The following CACNB2 variants were observed in gnomAD, a reference collection of about 807,000 sequenced individuals.
The protein encoded by CACNB2 is calcium voltage-gated channel auxiliary subunit beta 2, also known as voltage-dependent L-type calcium channel subunit beta-2.
CACNB2 carries 42 observed loss-of-function variants against 73.3 expected under a neutral mutation model. That is an observed-to-expected ratio of 0.57 (90% CI 0.45 to 0.74). CACNB2 has a LOEUF of 0.74. Ranked by LOEUF, CACNB2 falls within the 30% of genes least tolerant of loss-of-function variation. CACNB2 has a pLI of 0.00. For synonymous variants in CACNB2, 348 were observed against 310.3 expected, an observed-to-expected ratio of 1.12 and a Z score of -1.28; for missense variants, 940 against 853.0, an observed-to-expected ratio of 1.10 and a Z score of -1.27.
At chr10:18,392,346 A>G (rs1269884331) in intron 2 of CACNB2, among the ~76,000 whole-genome samples, 1 of 152,180 alleles carries the variant, frequency 6.6e-6, no homozygotes, top group Non-Finnish European at 1.5e-5. Flanking sequence ...GGGGATGATC[A>G]GTGATGTTAA....
rs945280664 is a variant in CACNB2, at chr10:18,527,684, A to C, written c.1041A>C (p.Thr347=). 1.9e-6 allele frequency: 3 copies of C among 1,610,212 alleles called. No homozygotes were observed. Among genetic ancestry groups the C allele is most frequent in the Admixed American group, 1.7e-5 (1 of 59,984 alleles). ...ACGCAATAATAGAAAGATCCAACAC[A>C]AGGTCAAGCTTAGGTAAGTCTGTGC... The part of the protein sequence containing the change: ...SKHAIIERSN[T]RSSLAEVQSE... The change falls in exon 10 of 14, where the codon ACA becomes ACC. Residue 347 remains threonine, a synonymous_variant. Coordinates refer to ENST00000324631, the MANE Select transcript of CACNB2 (RefSeq NM_201596.3).
chr10:18,284,226 A>G (rs2038688049), intron 2 of CACNB2, among the ~76,000 whole-genome samples: 1 of 152,214 alleles, frequency 6.6e-6, no homozygotes, highest in Non-Finnish European at 1.5e-5. Context: ...TAACTTGTGC[A>G]GGGAAACTCC....
intron 2 of CACNB2, among the ~76,000 whole-genome samples, chr10:18,272,289 G>T (rs2038086975): frequency 6.6e-6 from 1 of 152,166 alleles, no homozygotes. Context: ...AGTTAAGGGA[G>T]ACAGGGCAAG....
At chr10:18,335,824 C>T (rs1171855681) in intron 2 of CACNB2, among the ~76,000 whole-genome samples, 1 of 145,972 alleles carries the variant, frequency 6.9e-6, no homozygotes, top group Non-Finnish European at 1.5e-5. Flanking sequence ...CACACACACA[C>T]ATACACACAC....
At position 18,214,689 on chromosome 10, in the gene CACNB2, G is replaced by A. The variant is rs889125481; in HGVS notation, c.213+63714G>A. On this transcript the variant is annotated intron_variant, in intron 2 of 13. Transcript: ENST00000324631. ...TGTATGGCGTGGCAACAGCTGGTCG[G>A]GGAGGTTGCCTACCATTGCCCTGTT... 2.2e-4 allele frequency among the ~76,000 whole-genome samples: 34 copies of A among 152,000 alleles called. 1 individual carries two copies. Among genetic ancestry groups the A allele is most frequent in the African/African-American group, 7.7e-4 (32 of 41,342 alleles).
chr10:18,492,195 A>G (rs1204400813), intron 3 of CACNB2, among the ~76,000 whole-genome samples: 1 of 152,190 alleles, frequency 6.6e-6, no homozygotes, highest in African/African-American at 2.4e-5. Flanking sequence ...CAAAGGGGAA[A>G]ATCTACCCCT....
At chr10:18,417,114 CT>C (rs57071336) in intron 3 of CACNB2, among the ~76,000 whole-genome samples, 42,788 of 147,264 alleles carry the variant, frequency 0.29, 6,557 homozygotes, top group Middle Eastern at 0.42. Flanking sequence ...GAAATAAAAG[CT>C]TTTTTTTTTC....
rs531380245 is a variant in CACNB2 at position 18,450,330 on chromosome 10, A to G, written c.334-48025A>G. Among the ~76,000 whole-genome samples, 8 of 152,250 alleles carry G rather than the reference A, an allele frequency of 5.3e-5. No homozygotes were observed. In the South Asian group the frequency reaches 1.7e-3, roughly 32 times the overall value. ...GCTAAAAGCATCCTTTAGCAAAAGT[A>G]GTTTCCTCTTTTCCTTGCTAAATAT... is the stretch of plus-strand genomic sequence containing the variant. On this transcript the variant is annotated intron_variant, in intron 3 of 13. Coordinates refer to ENST00000324631, the MANE Select transcript of CACNB2 (RefSeq NM_201596.3).
intron 4 of CACNB2, among the ~76,000 whole-genome samples, chr10:18,499,126 C>T (rs902544049): frequency 3.3e-4 from 51 of 152,290 alleles, no homozygotes; most frequent in Admixed American, 3.3e-3. Context: ...CCTTGTGGAG[C>T]ACTGTGTAAA....
intron 3 of CACNB2, among the ~76,000 whole-genome samples, chr10:18,459,268 C>T (rs1004326372): frequency 6.6e-6 from 1 of 152,144 alleles, no homozygotes; most frequent in Admixed American, 6.5e-5. Context: ...AACATTAGAC[C>T]AATTGTCATT....
chr10:18,519,164 T>C (rs1187906946), intron 9 of CACNB2, among the ~76,000 whole-genome samples, 196 bp downstream of exon 9: 4 of 152,204 alleles, frequency 2.6e-5, no homozygotes, highest in African/African-American at 9.6e-5. Context: ...CCCTGATGTC[T>C]AGTTCCTGTA....
chr10:18,365,918 G>A lies in CACNB2; in HGVS notation c.214-36006G>A, dbSNP rs546731180. Among the ~76,000 whole-genome samples the A allele has an allele frequency of 1.5e-3, 222 of 152,278 alleles. 2 individuals are homozygous for A. The highest frequency in any genetic ancestry group is 5.0e-3 in the African/African-American group (209 of 41,574). On this transcript the variant is annotated intron_variant, in intron 2 of 13. Transcript: ENST00000324631. ...GAGGATGTAAGAATCTGTCAATTTG[G>A]CCTGTGGAGGGTAGGAATTCCAGGA...
At chr10:18,515,173 C>T in intron 7 of CACNB2, 2 of 736,066 alleles carry the variant, frequency 2.7e-6, no homozygotes, top group Non-Finnish European at 4.9e-6. Flanking sequence ...CATTGGCCAT[C>T]CAAGATGCTA....
At chr10:18,363,379 C>A (rs1451434926) in intron 2 of CACNB2, among the ~76,000 whole-genome samples, 1 of 152,172 alleles carries the variant, frequency 6.6e-6, no homozygotes, top group African/African-American at 2.4e-5. Flanking sequence ...TACCCAGTCA[C>A]CCCCGCTTTC....
intron 2 of CACNB2, among the ~76,000 whole-genome samples, chr10:18,221,498 G>A (rs1041704397): frequency 3.9e-5 from 6 of 152,260 alleles, no homozygotes; most frequent in Admixed American, 1.3e-4. Context: ...GGCCAACATG[G>A]TGAAGCCCTG....
intron 3 of CACNB2, among the ~76,000 whole-genome samples, chr10:18,463,584 G>GT (rs869153577): frequency 4.3e-3 from 402 of 93,332 alleles, no homozygotes; most frequent in Middle Eastern, 0.013. Flanking sequence ...CCTGCTAGTT[G>GT]TTTTTTTTTT....
At chr10:18,465,682 C>CT (rs1264310420) in intron 3 of CACNB2, among the ~76,000 whole-genome samples, 16,336 of 138,268 alleles carry the variant, frequency 0.12, 1,509 homozygotes, top group African/African-American at 0.25. Flanking sequence ...CCAACTTCTT[C>CT]TTTTTTTTTT....
intron 2 of CACNB2, among the ~76,000 whole-genome samples, chr10:18,317,012 T>C (rs1203352238): frequency 6.6e-6 from 1 of 152,152 alleles, no homozygotes; most frequent in African/African-American, 2.4e-5. Context: ...TTTTTACCTC[T>C]ACCACCTTCA....
chr10:18,519,024 C>G (rs1589648428), intron 9 of CACNB2, 56 bp downstream of exon 9: 5 of 1,460,556 alleles, frequency 3.4e-6, no homozygotes, highest in Middle Eastern at 3.5e-4. Flanking sequence ...TGGCAAAACG[C>G]TGGTGGGACA....
Sources: gnomAD v4.1 joint callset for allele counts (sites outside exome capture counted in the v4.1 genomes callset) on GRCh38, gnomAD v4.1.1 for gene constraint, MANE v1.5 for transcripts, NCBI Gene and HGNC (gene_info 2026-07-23, HGNC 2026-07-21) for gene names.